Variants in SOX6 observed in about 807,000 individuals in gnomAD.
SOX6 encodes SRY-box transcription factor 6, also known as transcription factor SOX-6.
SOX6 carries 11 observed loss-of-function variants against 97.8 expected under a neutral mutation model. The observed-to-expected ratio is 0.11, with a 90% CI of 0.07 to 0.19. The LOEUF (loss-of-function observed/expected upper bound fraction) is 0.19. Among genes scored for constraint, SOX6 ranks in the 10% least tolerant of loss-of-function variants. The pLI, the probability that SOX6 is intolerant of heterozygous loss-of-function variation, is 1.00. For missense variants in SOX6, 810 were observed against 1,039.5 expected (o/e 0.78, Z 3.04); for synonymous variants, 360 against 371.4 (o/e 0.97, Z 0.35).
chr11:16,441,309 C>T (rs1339224719), intron 1 of SOX6, among the ~76,000 whole-genome samples: 1 of 152,116 alleles, frequency 6.6e-6, no homozygotes, highest in Non-Finnish European at 1.5e-5. Flanking sequence ...ATTATTGATG[C>T]CCTTCCTTCT....
chr11:16,271,974 T>C (rs1590081257), intron 3 of SOX6, among the ~76,000 whole-genome samples: 1 of 151,230 alleles, frequency 6.6e-6, no homozygotes, highest in East Asian at 1.9e-4. Flanking sequence ...ATTAATTATA[T>C]TAATAAAATA....
rs1303278391 is a variant in SOX6 at position 15,972,627 on chromosome 11, CA to C, written c.*181del. Reference sequence around the variant, plus strand: ...ACAACAACAACAATAACAATAACAACAAAAAACTCAAGTTCATGAAAAATCA... The same window carrying C: ...ACAACAACAACAATAACAATAACAACAAAAACTCAAGTTCATGAAAAATCA... On this transcript the variant is annotated 3_prime_UTR_variant, in exon 16 of 16. Coordinates refer to ENST00000683767, the MANE Select transcript of SOX6 (RefSeq NM_001367873.1). 9 of 652,962 alleles carry C rather than the reference CA, an allele frequency of 1.4e-5. No homozygotes were observed. Among genetic ancestry groups the C allele is most frequent in the African/African-American group, 5.5e-5 (3 of 54,784 alleles). 40.4% of individuals were successfully genotyped at this position (652,962 alleles called of 1,614,324 possible). A position where few individuals can be genotyped will look rare whatever the true frequency, so the allele number is the denominator to read the frequency against.
At chr11:16,701,971 A>G (rs1206224297) in intron 3 of SOX6, among the ~76,000 whole-genome samples, 1 of 152,192 alleles carries the variant, frequency 6.6e-6, no homozygotes, top group Non-Finnish European at 1.5e-5. Flanking sequence ...ATGAAATAAC[A>G]CATTTGGGAA....
chr11:16,181,128 A>G (rs1383385219), intron 6 of SOX6, among the ~76,000 whole-genome samples: 2 of 151,596 alleles, frequency 1.3e-5, no homozygotes, highest in African/African-American at 4.8e-5. Flanking sequence ...AGCATTCTAA[A>G]CTAGAGGAAC....
At chr11:16,069,014 C>T (rs1848158642) in intron 9 of SOX6, among the ~76,000 whole-genome samples, 1 of 152,152 alleles carries the variant, frequency 6.6e-6, no homozygotes. Flanking sequence ...TCCATTCTTG[C>T]CTCTATCTTC....
intron 3 of SOX6, among the ~76,000 whole-genome samples, chr11:16,625,993 A>G (rs1848618471): frequency 6.6e-6 from 1 of 152,222 alleles, no homozygotes. Flanking sequence ...GAGGAGCACA[A>G]ATGCAACCTG....
intron 3 of SOX6, among the ~76,000 whole-genome samples, chr11:16,259,738 A>T (rs1193847243): frequency 6.6e-6 from 1 of 152,156 alleles, no homozygotes; most frequent in Non-Finnish European, 1.5e-5. Context: ...AATAAGAGTG[A>T]GAATAGTTAC....
At chr11:16,588,851 A>T (rs1411861291) in intron 4 of SOX6, among the ~76,000 whole-genome samples, 1 of 152,036 alleles carries the variant, frequency 6.6e-6, no homozygotes, top group East Asian at 1.9e-4. Context: ...CGTTGTAGCA[A>T]GACACTGTCT....
intron 4 of SOX6, among the ~76,000 whole-genome samples, chr11:16,566,095 C>CAAA (rs67916329): frequency 1.4e-4 from 14 of 98,798 alleles, no homozygotes; most frequent in African/African-American, 3.5e-4. Flanking sequence ...GACTCCGTCT[C>CAAA]AAAAAAAAAA....
intron 9 of SOX6, among the ~76,000 whole-genome samples, chr11:16,090,375 A>G (rs908121297): frequency 6.6e-6 from 1 of 152,102 alleles, no homozygotes; most frequent in Non-Finnish European, 1.5e-5. Flanking sequence ...GCAAAGTTCC[A>G]AAAGAAAATC....
intron 3 of SOX6, among the ~76,000 whole-genome samples, chr11:16,652,324 A>G (rs771908679): frequency 1.3e-5 from 2 of 152,216 alleles, no homozygotes; most frequent in Non-Finnish European, 2.9e-5. Context: ...AGCAAAAAGA[A>G]CAAATATGGA....
chr11:16,225,075 T>G (rs1852646533), intron 4 of SOX6, among the ~76,000 whole-genome samples: 1 of 152,070 alleles, frequency 6.6e-6, no homozygotes, highest in Non-Finnish European at 1.5e-5. Context: ...ACATCTGTTG[T>G]GACAATCTTT....
In SOX6 at chr11:16,411,302, T is replaced by C. The variant is rs941486672; in HGVS notation, c.-5+65013A>G. 3.9e-5 allele frequency among the ~76,000 whole-genome samples: 6 copies of C among 152,288 alleles called. No individual in the cohort carries two copies. The East Asian group carries it at 9.6e-4, about 24-fold the overall frequency. ...TTTTGGCTTGATTTTAAAATTGTTC[T>C]AATGAGGCCCTTACTCTCATAAACT... On this transcript the variant is annotated intron_variant, in intron 1 of 15. Coordinates refer to the SOX6 transcript ENST00000396356.
intron 1 of SOX6, among the ~76,000 whole-genome samples, chr11:16,409,237 C>T (rs1199999375): frequency 2.0e-5 from 3 of 150,730 alleles, no homozygotes; most frequent in Non-Finnish European, 4.4e-5. Context: ...CCATTCTTTA[C>T]CAACATTTTC....
intron 3 of SOX6, 53 bp downstream of exon 3, chr11:16,318,393 C>A: frequency 1.3e-6 from 2 of 1,560,220 alleles, no homozygotes; most frequent in Non-Finnish European, 8.8e-7. Context: ...TTTTTAAGGC[C>A]TGGAATCTTT....
At chr11:16,131,234 A>C (rs1849732490) in intron 6 of SOX6, among the ~76,000 whole-genome samples, 1 of 151,960 alleles carries the variant, frequency 6.6e-6, no homozygotes, top group South Asian at 2.1e-4. Flanking sequence ...CAGAATAATT[A>C]AGAAAAACTG....
chr11:16,575,449 A>T (rs567147131), intron 4 of SOX6, among the ~76,000 whole-genome samples: 19 of 152,210 alleles, frequency 1.2e-4, no homozygotes, highest in Non-Finnish European at 2.1e-4. Context: ...ATGCAAAAAA[A>T]GGTTTATAGC....
At chr11:16,068,575 A>G (rs1848148324) in intron 9 of SOX6, among the ~76,000 whole-genome samples, 1 of 152,132 alleles carries the variant, frequency 6.6e-6, no homozygotes, top group Non-Finnish European at 1.5e-5. Context: ...TACACTCCTA[A>G]TATTTGAGAT....
intron 2 of SOX6, among the ~76,000 whole-genome samples, chr11:16,720,780 T>C (rs1322254248): frequency 6.6e-6 from 1 of 151,946 alleles, no homozygotes; most frequent in African/African-American, 2.4e-5. Flanking sequence ...AAAGTATGAG[T>C]AATTTTTATG....
Sources: gnomAD v4.1 joint callset for allele counts (sites outside exome capture counted in the v4.1 genomes callset) on GRCh38, gnomAD v4.1.1 for gene constraint, MANE v1.5 for transcripts, NCBI Gene and HGNC (gene_info 2026-07-23, HGNC 2026-07-21) for gene names.